Variants in LRRC53 observed in about 807,000 individuals in gnomAD.
LRRC53 encodes leucine rich repeat containing 53, also known as leucine-rich repeat-containing protein 53.
In LRRC53, 25 loss-of-function variants were observed where a neutral mutation model predicts 13.6. That is an observed-to-expected ratio of 1.83 (90% CI 1.34 to 2.56). LRRC53 has a LOEUF of 2.56. LRRC53 is among the 30% of genes most tolerant of loss of function. The pLI, the probability that LRRC53 is intolerant of heterozygous loss-of-function variation, is 0.00. For missense variants in LRRC53, 527 were observed against 275.8 expected (o/e 1.91, Z -6.45); for synonymous variants, 204 against 109.8 (o/e 1.86, Z -5.37).
At chr1:74,484,503 A>G (rs1668655448) in intron 1 of LRRC53, among the ~76,000 whole-genome samples, 1 of 152,200 alleles carries the variant, frequency 6.6e-6, no homozygotes, top group African/African-American at 2.4e-5. Context: ...ATGCTCTAGA[A>G]TAAATAAAAC....
rs1667961082 is a variant in LRRC53, at chr1:74,472,067, G to A, written c.1555C>T (p.His519Tyr). The change falls in exon 5 of 5, where the codon CAT becomes TAT. Residue 519 changes from histidine to tyrosine, a missense_variant. Transcript: ENST00000294635. ...IEKEDNGLHPHRQRHFITSSS... is the reference protein window; with the variant it reads ...IEKEDNGLHPYRQRHFITSSS... ...CTTGTAATAAAATGTCTTTGCCTAT[G>A]AGGGTGTAAGCCATTGTCTTCTTTT... 1.4e-6 allele frequency: 1 copy of A among 716,352 alleles called. No individual in the cohort carries two copies. Among genetic ancestry groups the A allele is most frequent in the Admixed American group, 2.0e-5 (1 of 49,838 alleles). The allele number at this position is 716,352 out of a possible 1,614,324, so 44.4% of individuals were successfully genotyped here.
At position 74,471,199 on chromosome 1, in the gene LRRC53, A is replaced by C. The variant is rs1483065047; in HGVS notation, c.2423T>G (p.Leu808Arg). The C allele has an allele frequency of 5.0e-6, 2 of 400,572 alleles. No homozygotes were observed. Among genetic ancestry groups the C allele is most frequent in the African/African-American group, 4.1e-5 (2 of 48,670 alleles). The allele number at this position is 400,572 out of a possible 1,614,324, so 24.8% of individuals were successfully genotyped here. ...YYQRNTKRAPLLSANNLRVVN... is the reference protein window; with the variant it reads ...YYQRNTKRAPRLSANNLRVVN... ...TACACGCAAGTTGTTAGCACTGAGC[A>C]GGGGGGCACGTTTAGTGTTTCGTTG... Residue 808 changes from leucine (L) to arginine (R), a missense_variant, in exon 5 of 5, where the codon CTG becomes CGG. Leu to Arg is a moderately radical substitution (Grantham distance 102). Coordinates refer to ENST00000294635, the MANE Select transcript of LRRC53 (RefSeq NM_001382280.1).
chr1:74,470,954 A>G lies in LRRC53; in HGVS notation c.2668T>C (p.Phe890Leu). ...WENTGSDVLP[F>L]QHSRRATDQG... ...TCAGTAGCCCTCCTGGAATGTTGGAATGGTAAAACATCACTTCCTGTATTT... is the reference window on the plus strand; with the variant it reads ...TCAGTAGCCCTCCTGGAATGTTGGAGTGGTAAAACATCACTTCCTGTATTT... Residue 890 changes from phenylalanine to leucine, a missense_variant, in exon 5 of 5, where the codon TTC becomes CTC. By Grantham distance (22) the Phe-to-Leu change is conservative (BLOSUM62 0). Transcript: ENST00000294635. The G allele has an allele frequency of 2.5e-6, 1 of 400,726 alleles. No homozygotes were observed. The highest frequency in any genetic ancestry group is 4.4e-6 in the Non-Finnish European group (1 of 226,198). The allele number at this position is 400,726 out of a possible 1,614,324, so 24.8% of individuals were successfully genotyped here.
chr1:74,527,570 G>A, the LRRC53 span, among the ~76,000 whole-genome samples: 2 of 152,190 alleles, frequency 1.3e-5, no homozygotes, highest in African/African-American at 4.8e-5. Context: ...AGGGAGGGGA[G>A]ACAGGGCAGA....
At chr1:74,535,865 A>G in the LRRC53 span, among the ~76,000 whole-genome samples, 1 of 152,270 alleles carries the variant, frequency 6.6e-6, no homozygotes, top group African/African-American at 2.4e-5. Context: ...TCTTACTTAC[A>G]AAGCAGTCAG....
rs1243113421 is a variant in LRRC53 at position 74,470,105 on chromosome 1, G to C, written c.3517C>G (p.Gln1173Glu). The change falls in exon 5 of 5, where the codon CAA becomes GAA. Residue 1173 changes from glutamine to glutamate, a missense_variant. Physicochemically the swap from Gln to Glu is conservative, Grantham distance 29. Transcript: ENST00000294635. The stretch of plus-strand genomic sequence containing the variant: ...CTATCTTTATCTGGTTGAATATTTT[G>C]AACTTCTCTAAAATTATGTACATTA... ...NSNVHNFREVQNIQPDKDSAH... is the reference protein window; with the variant it reads ...NSNVHNFREVENIQPDKDSAH... The C allele has an allele frequency of 2.5e-6, 1 of 400,506 alleles. No individual in the cohort carries two copies. Among genetic ancestry groups the C allele is most frequent in the African/African-American group, 2.1e-5 (1 of 48,686 alleles). 24.8% of individuals were successfully genotyped at this position (400,506 alleles called of 1,614,324 possible).
At chr1:74,513,122 A>C (rs919461390), upstream of LRRC53, among the ~76,000 whole-genome samples, 6 of 152,218 alleles carry the variant, frequency 3.9e-5, no homozygotes, top group East Asian at 1.2e-3. Flanking sequence ...TGCTCAGTCG[A>C]TACTGTTTCA....
Position 74,478,661 on chromosome 1 carries a change from G to A in LRRC53, c.904+1492C>T, listed in dbSNP as rs72675328. ...TGCTTATTAGAAAATGAAAGGTTAC[G>A]AGAAGTGCTGCAGTGAGTATACCTG... is the stretch of plus-strand genomic sequence containing the variant. On this transcript the variant is annotated intron_variant, in intron 3 of 4. Transcript: ENST00000294635. Among the ~76,000 whole-genome samples, 1,173 of 152,250 alleles carry A rather than the reference G, an allele frequency of 7.7e-3. 10 individuals carry two copies. Among genetic ancestry groups the A allele is most frequent in the Middle Eastern group, 0.014 (4 of 294 alleles).
chr1:74,477,194 C>T (rs1441152125), intron 3 of LRRC53, among the ~76,000 whole-genome samples: 1 of 151,956 alleles, frequency 6.6e-6, no homozygotes, highest in Non-Finnish European at 1.5e-5. Context: ...AAATTAGAAC[C>T]ACTCTTTAAC....
chr1:74,513,674 G>C (rs1308841093), upstream of LRRC53, among the ~76,000 whole-genome samples: 1 of 152,144 alleles, frequency 6.6e-6, no homozygotes, highest in Non-Finnish European at 1.5e-5. Flanking sequence ...TTTTGTTTCA[G>C]AGTTTCATGT....
In LRRC53 at chr1:74,469,966, A is replaced by G; in HGVS notation, c.3656T>C (p.Ile1219Thr). 1 of 400,694 alleles carries G rather than the reference A, an allele frequency of 2.5e-6. No homozygotes were observed. The highest frequency in any genetic ancestry group is 4.4e-6 in the Non-Finnish European group (1 of 226,130). The allele number at this position is 400,694 out of a possible 1,614,324, so 24.8% of individuals were successfully genotyped here. ...ENEVFLVPSR[I>T]NEAENSAPKP... ...TGGAGCAGAGTTTTCAGCTTCATTT[A>G]TTCTGCTAGGAACTAAAAACACCTC... The change falls in exon 5 of 5, where the codon ATA becomes ACA. Residue 1219 changes from isoleucine to threonine, a missense_variant. Physicochemically the swap from Ile to Thr is moderately conservative, Grantham distance 89. Coordinates refer to ENST00000294635, the MANE Select transcript of LRRC53 (RefSeq NM_001382280.1).
chr1:74,535,318 A>G, the LRRC53 span, among the ~76,000 whole-genome samples: 1 of 152,180 alleles, frequency 6.6e-6, no homozygotes, highest in East Asian at 1.9e-4. Flanking sequence ...AAAAATACAA[A>G]AAATTAGCCA....
intron 1 of LRRC53, among the ~76,000 whole-genome samples, chr1:74,506,241 G>A (rs550054150): frequency 5.9e-5 from 9 of 152,280 alleles, no homozygotes; most frequent in South Asian, 4.2e-4. Context: ...TGTTCTAGAC[G>A]CTATTGTGCA....
chr1:74,484,222 A>AC (rs1668642237), intron 1 of LRRC53, among the ~76,000 whole-genome samples: 1 of 151,538 alleles, frequency 6.6e-6, no homozygotes, highest in Admixed American at 6.6e-5. Context: ...TAAAAAAAAA[A>AC]AAACAAGGAG....
rs563775522 is a variant in LRRC53, at chr1:74,480,692, A to T, written c.365T>A (p.Leu122Gln). ...LVLSNNALRTLRGSWFRNTSG... is the reference protein window; with the variant it reads ...LVLSNNALRTQRGSWFRNTSG... ...TGTGTTTCGGAACCAAGACCCTCGT[A>T]GGGTGCGGAGAGCATTATTGCTCAG... Residue 122 changes from leucine to glutamine, a missense_variant, in exon 3 of 5, where the codon CTA (leucine) becomes CAA (glutamine). By Grantham distance (113) the Leu-to-Gln change is moderately radical (BLOSUM62 -2). Transcript: ENST00000294635. 4.3e-4 allele frequency: 308 copies of T among 717,402 alleles called. No individual in the cohort carries two copies. Among genetic ancestry groups the T allele is most frequent in the African/African-American group, 1.4e-3 (83 of 57,388 alleles). 44.4% of individuals were successfully genotyped at this position (717,402 alleles called of 1,614,324 possible).
intron 1 of LRRC53, among the ~76,000 whole-genome samples, chr1:74,498,354 G>A (rs17095449): frequency 1.3e-5 from 2 of 152,092 alleles, no homozygotes; most frequent in South Asian, 2.1e-4. Flanking sequence ...ACCCCATCTC[G>A]ATTCATGCCT....
upstream of LRRC53, among the ~76,000 whole-genome samples, chr1:74,513,072 T>G (rs752327759): frequency 1.1e-4 from 16 of 152,322 alleles, no homozygotes; most frequent in Non-Finnish European, 2.2e-4. Flanking sequence ...GTTAACAAAG[T>G]CAAGGGATTC....
Position 74,475,282 on chromosome 1 carries a change from AAG to A in LRRC53, c.1420+11_1420+12del. 1 of 630,434 alleles carries A rather than the reference AAG, an allele frequency of 1.6e-6. No homozygotes were observed. Among genetic ancestry groups the A allele is most frequent in the Non-Finnish European group, 2.9e-6 (1 of 345,092 alleles). 39.1% of individuals were successfully genotyped at this position (630,434 alleles called of 1,614,324 possible). ...TAAACGGAGTGGGATTTTCTAAAAC[AAG>A]ACAAACTCACCTTCTGTTCTTATTA... On this transcript the variant is annotated intron_variant, in intron 4 of 4. Transcript: ENST00000294635.
At chr1:74,511,044 T>C (rs181424469) in intron 1 of LRRC53, among the ~76,000 whole-genome samples, 19 of 151,212 alleles carry the variant, frequency 1.3e-4, no homozygotes, top group Non-Finnish European at 1.8e-4. Flanking sequence ...TCTGCCACCA[T>C]GCCCAGCTAA....
Sources: gnomAD v4.1 joint callset for allele counts (sites outside exome capture counted in the v4.1 genomes callset) on GRCh38, gnomAD v4.1.1 for gene constraint, MANE v1.5 for transcripts, NCBI Gene and HGNC (gene_info 2026-07-23, HGNC 2026-07-21) for gene names.